SLC29A1: variants seen among roughly 807,000 people sequenced by gnomAD.
SLC29A1 encodes solute carrier family 29 member 1 (Augustine blood group).
A neutral mutation model predicts 48.3 loss-of-function variants in SLC29A1; 22 were observed. The observed-to-expected ratio is 0.46, with a 90% CI of 0.33 to 0.65. The LOEUF (loss-of-function observed/expected upper bound fraction) is 0.65. Among genes scored for constraint, SLC29A1 ranks in the 30% least tolerant of loss-of-function variants. The pLI, the probability that SLC29A1 is intolerant of heterozygous loss-of-function variation, is 0.03. For synonymous variants in SLC29A1, 228 were observed against 231.0 expected (o/e 0.99, Z 0.12); for missense variants, 491 against 575.3 (o/e 0.85, Z 1.50).
At chr6:44,228,416 T>TG (rs1030208517) in intron 2 of SLC29A1, among the ~76,000 whole-genome samples, 17 of 152,116 alleles carry the variant, frequency 1.1e-4, no homozygotes, top group Admixed American at 2.0e-4. Flanking sequence ...GTGAGGGGGT[T>TG]GGGGGGGCTG....
upstream of SLC29A1, among the ~76,000 whole-genome samples, chr6:44,220,390 A>C (rs2128334764): frequency 7.0e-6 from 1 of 142,922 alleles, no homozygotes; most frequent in Non-Finnish European, 1.5e-5. Context: ...CCCTGTGTTG[A>C]CCAGGCTGGT....
At chr6:44,226,833 C>T (rs1230524108) in intron 1 of SLC29A1, 5 of 1,020,836 alleles carry the variant, frequency 4.9e-6, no homozygotes, top group Non-Finnish European at 5.9e-6. Context: ...TTTGCTGTGT[C>T]TCCTCCATTT....
At position 44,230,757 on chromosome 6, in the gene SLC29A1, G is replaced by A. The variant is rs547900703; in HGVS notation, c.688-54G>A. 5 of 1,579,628 alleles carry A rather than the reference G, an allele frequency of 3.2e-6. No individual in the cohort carries two copies. In the East Asian group the frequency reaches 6.7e-5, roughly 21 times the overall value. ...GAGGACAAAACCTGAAGGAGGCCGG[G>A]ATTCTGGAGATTCTGCCTCTAAATC... On this transcript the variant is annotated intron_variant, in intron 7 of 12. Transcript: ENST00000371755.
upstream of SLC29A1, among the ~76,000 whole-genome samples, chr6:44,220,965 G>A (rs1028037316): frequency 7.9e-5 from 12 of 152,228 alleles, no homozygotes; most frequent in African/African-American, 2.9e-4. Context: ...CTGAAGCCTT[G>A]TCCTCCCGGG....
chr6:44,221,749 G>A (rs1217311965), upstream of SLC29A1: 2 of 803,842 alleles, frequency 2.5e-6, no homozygotes, highest in Non-Finnish European at 3.6e-6. This position sits in a 1 kb window ranked among gnomAD's most constrained non-coding sequence, Gnocchi z 4.2. Context: ...CTGCTTGGGA[G>A]GTGGCTACAG....
At chr6:44,220,385 T>C (rs976469767), upstream of SLC29A1, among the ~76,000 whole-genome samples, 35 of 150,384 alleles carry the variant, frequency 2.3e-4, no homozygotes, top group Middle Eastern at 3.4e-3. Flanking sequence ...AGTCTCCCTG[T>C]GTTGACCAGG....
At chr6:44,225,903 TC>T (rs755873370) in intron 1 of SLC29A1, 60 of 152,610 alleles carry the variant, frequency 3.9e-4, no homozygotes, top group Non-Finnish European at 7.3e-4. Flanking sequence ...GACTCCCTGT[TC>T]TCTTATCTCC....
Position 44,229,802 on chromosome 6 carries a change from A to G in SLC29A1, c.314+11A>G. 6.6e-7 allele frequency: 1 copy of G among 1,526,114 alleles called. No individual in the cohort carries two copies. Among genetic ancestry groups the G allele is most frequent in the Non-Finnish European group, 9.0e-7 (1 of 1,111,740 alleles). The allele number at this position is 1,526,114 out of a possible 1,614,324, so 94.5% of individuals were successfully genotyped here. A position where few individuals can be genotyped will look rare whatever the true frequency, so the allele number is the denominator to read the frequency against. On this transcript the variant is annotated intron_variant, in intron 4 of 12. Coordinates refer to ENST00000371755, the MANE Select transcript of SLC29A1 (RefSeq NM_001372327.1). The surrounding 1 kb of genome is among the most constrained non-coding windows in gnomAD (Gnocchi z 5.1). ...CTTCCTGCATCAGAGGTGAGTGCCC[A>G]CCCCCTCCCCAGCCCCCAGCCTGAC...
chr6:44,233,120 A>AGAGAT (rs1779261460), intron 12 of SLC29A1, 114 bp downstream of exon 12: 1 of 1,161,676 alleles, frequency 8.6e-7, no homozygotes, highest in East Asian at 2.4e-5. Flanking sequence ...AGCTGAGAGG[A>AGAGAT]GAGATGGCTC....
Position 44,233,025 on chromosome 6 carries a change from G to T in SLC29A1, c.1259+19G>T. 6.2e-7 allele frequency: 1 copy of T among 1,608,316 alleles called. No individual in the cohort carries two copies. The highest frequency in any genetic ancestry group is 1.1e-5 in the South Asian group (1 of 91,048). On this transcript the variant is annotated intron_variant, in intron 12 of 12. Coordinates refer to ENST00000371755, the MANE Select transcript of SLC29A1 (RefSeq NM_001372327.1). ...GGCCCAAGTGAGTAGGGCTGGCAGG[G>T]AACTTGGTGGCATCAGACAGGATCT...
At chr6:44,220,603 A>G (rs1169877740), upstream of SLC29A1, among the ~76,000 whole-genome samples, 1 of 150,640 alleles carries the variant, frequency 6.6e-6, no homozygotes, top group African/African-American at 2.4e-5. Flanking sequence ...TCACAAGGTC[A>G]GGAGTTCGAG....
chr6:44,232,416 T>C lies in SLC29A1; in HGVS notation c.1047T>C (p.Ala349=). The change falls in exon 11 of 13, where the codon GCT becomes GCC. Residue 349 remains alanine (A), a synonymous_variant. Coordinates refer to ENST00000371755, the MANE Select transcript of SLC29A1 (RefSeq NM_001372327.1). The surrounding 1 kb of genome is among the most constrained non-coding windows in gnomAD (Gnocchi z 4.7). ...IFDWLGRSLT[A]VFMWPGKDSR... is the part of the protein sequence containing the mutation. ...ACTGGTTGGGCCGGAGCCTCACAGC[T>C]GTATTCATGTGGGTAAGTGGAGGAA... 1 of 1,611,170 alleles carries C rather than the reference T, an allele frequency of 6.2e-7. No homozygotes were observed.
chr6:44,232,345 C>T lies in SLC29A1; in HGVS notation c.976C>T (p.Arg326Cys), dbSNP rs777839969. The change falls in exon 11 of 13, where the codon CGT becomes TGT. Residue 326 changes from arginine (R) to cysteine (C), a missense_variant and splice_region_variant. Transcript: ENST00000371755. The surrounding 1 kb of genome is among the most constrained non-coding windows in gnomAD (Gnocchi z 4.7). ...SSIAGSSTWERYFIPVSCFLT... is the reference protein window; with the variant it reads ...SSIAGSSTWECYFIPVSCFLT... ...CACCCGTTCATCTCCTCTTCCAGAA[C>T]GTTACTTCATTCCTGTGTCCTGTTT... 1.8e-5 allele frequency: 29 copies of T among 1,610,840 alleles called. No homozygotes were observed. Among genetic ancestry groups the T allele is most frequent in the East Asian group, 1.8e-4 (8 of 44,876 alleles).
At chr6:44,219,797 G>A (rs1254390008), upstream of SLC29A1, 2 of 1,269,542 alleles carry the variant, frequency 1.6e-6, no homozygotes, top group Admixed American at 4.7e-5. Flanking sequence ...GCGGGGCGGG[G>A]CCGGGGGGCC....
At chr6:44,225,760 T>C (rs534988249) in intron 1 of SLC29A1, 1 of 152,032 alleles carries the variant, frequency 6.6e-6, no homozygotes, top group East Asian at 1.9e-4. Flanking sequence ...GAGCTTGGAG[T>C]TTCCCTGGGG....
At chr6:44,230,723 G>T in intron 7 of SLC29A1, 58 bp downstream of exon 7, 1 of 1,547,642 alleles carries the variant, frequency 6.5e-7, no homozygotes, top group African/African-American at 1.4e-5. Context: ...TCCAGACCAC[G>T]GGTGTTCTGA....
At chr6:44,228,272 T>A (rs564971082) in intron 2 of SLC29A1, among the ~76,000 whole-genome samples, 1 of 152,344 alleles carries the variant, frequency 6.6e-6, no homozygotes, top group African/African-American at 2.4e-5. Flanking sequence ...TCCATTTGCC[T>A]TATTGCACAG....
chr6:44,227,012 C>T (rs866248225), intron 1 of SLC29A1: 6 of 1,248,984 alleles, frequency 4.8e-6, no homozygotes, highest in Admixed American at 7.4e-5. Flanking sequence ...ATAAAAATAG[C>T]GGTGGCAGCG....
At chr6:44,220,113 C>T (rs1240796254), upstream of SLC29A1, among the ~76,000 whole-genome samples, 1 of 152,116 alleles carries the variant, frequency 6.6e-6, no homozygotes, top group Non-Finnish European at 1.5e-5. Context: ...GAACCCCGAG[C>T]CAGTACCCAC....
Sources: gnomAD v4.1 joint callset for allele counts (sites outside exome capture counted in the v4.1 genomes callset) on GRCh38, gnomAD v4.1.1 for gene constraint, Gnocchi (gnomAD v3.1) non-coding constraint, MANE v1.5 for transcripts, NCBI Gene and HGNC (gene_info 2026-07-23, HGNC 2026-07-21) for gene names.